GRK7: variants seen among roughly 807,000 people sequenced by gnomAD.
GRK7 encodes the protein rhodopsin kinase GRK7.
Under a neutral mutation model 34.1 loss-of-function variants are expected in GRK7, and 24 were observed. The observed-to-expected ratio is 0.70, with a 90% CI of 0.51 to 0.99. The LOEUF is 0.99. GRK7 is among the 50% of genes least tolerant of loss of function. The pLI is 0.00. For missense variants in GRK7, 644 were observed against 707.3 expected, an observed-to-expected ratio of 0.91 and a Z score of 1.02; for synonymous variants, 256 against 279.4, an observed-to-expected ratio of 0.92 and a Z score of 0.84.
At chr3:141,775,847 C>G (rs561897084) in intron 2 of GRK7, among the ~76,000 whole-genome samples, 1 of 151,594 alleles carries the variant, frequency 6.6e-6, no homozygotes, top group East Asian at 1.9e-4. Flanking sequence ...ACATATGTGG[C>G]TTCATATTTT....
intron 4 of GRK7, among the ~76,000 whole-genome samples, chr3:141,802,813 G>A (rs1710984163): frequency 6.6e-6 from 1 of 152,070 alleles, no homozygotes; most frequent in African/African-American, 2.4e-5. Context: ...GGAAGGACTG[G>A]GCAGCTGCAT....
intron 4 of GRK7, among the ~76,000 whole-genome samples, 153 bp from the exon 5 acceptor site, chr3:141,807,492 G>A (rs1382683662): frequency 6.6e-6 from 1 of 152,168 alleles, no homozygotes; most frequent in African/African-American, 2.4e-5. Flanking sequence ...ACAAAGAATA[G>A]GTTAGACACA....
intron 4 of GRK7, among the ~76,000 whole-genome samples, chr3:141,796,293 C>T (rs962525239): frequency 1.3e-5 from 2 of 152,194 alleles, no homozygotes; most frequent in Non-Finnish European, 2.9e-5. Flanking sequence ...CATGATCTTA[C>T]ACAAGTCAGA....
chr3:141,761,584 A>G (rs1384811692), upstream of GRK7, among the ~76,000 whole-genome samples: 6 of 59,718 alleles, frequency 1.0e-4, no homozygotes, highest in Non-Finnish European at 1.5e-4. Flanking sequence ...GAATCTGACA[A>G]TTATGTGTCT....
chr3:141,754,166 A>C, the GRK7 span, among the ~76,000 whole-genome samples: 1 of 152,190 alleles, frequency 6.6e-6, no homozygotes. Context: ...TAAGGGTGTC[A>C]CTGTCCTGCA....
intron 4 of GRK7, among the ~76,000 whole-genome samples, 170 bp downstream of exon 4, chr3:141,780,981 G>T (rs1559841423): frequency 1.3e-5 from 2 of 152,190 alleles, no homozygotes; most frequent in Non-Finnish European, 2.9e-5. Flanking sequence ...AAGAGGATTA[G>T]ATTCATTGGC....
chr3:141,752,108 A>G, the GRK7 span, among the ~76,000 whole-genome samples: 3,177 of 152,226 alleles, frequency 0.021, 107 homozygotes, highest in African/African-American at 0.072. Flanking sequence ...GGACCTGGAG[A>G]AAAAAAATAC....
chr3:141,817,328 G>A lies in GRK7; in HGVS notation c.*278G>A, dbSNP rs1711165358. 1 of 336,278 alleles carries A rather than the reference G, an allele frequency of 3.0e-6. No individual in the cohort carries two copies. 20.8% of individuals were successfully genotyped at this position (336,278 alleles called of 1,614,324 possible). A position where few individuals can be genotyped will look rare whatever the true frequency, so the allele number is the denominator to read the frequency against. ...GAAAGCATCAGCCTTTTACCATCATGTCCCTGTGTATTACGCAAAGTCCTA... is the reference window on the plus strand; with the variant it reads ...GAAAGCATCAGCCTTTTACCATCATATCCCTGTGTATTACGCAAAGTCCTA... On this transcript the variant is annotated 3_prime_UTR_variant, in exon 6 of 6. Coordinates refer to ENST00000682958, the MANE Select transcript of GRK7 (RefSeq NM_139209.3).
At chr3:141,762,071 G>A (rs1402281867), upstream of GRK7, among the ~76,000 whole-genome samples, 106 of 148,826 alleles carry the variant, frequency 7.1e-4, no homozygotes, top group African/African-American at 2.2e-3. Context: ...ATGTCCTCCC[G>A]TAGCTCAGAG....
chr3:141,756,500 C>T, the GRK7 span, among the ~76,000 whole-genome samples: 2 of 152,170 alleles, frequency 1.3e-5, no homozygotes, highest in Non-Finnish European at 2.9e-5. Flanking sequence ...GAATGATTGT[C>T]TCTCAGCGAG....
At chr3:141,794,552 C>T (rs998944921) in intron 4 of GRK7, among the ~76,000 whole-genome samples, 1 of 152,230 alleles carries the variant, frequency 6.6e-6, no homozygotes, top group Non-Finnish European at 1.5e-5. Context: ...ATGTTAAGGA[C>T]TTTGGGTGAT....
At chr3:141,750,016 CA>C in the GRK7 span, among the ~76,000 whole-genome samples, 208 of 124,550 alleles carry the variant, frequency 1.7e-3, no homozygotes, top group Admixed American at 1.7e-3. Context: ...GACTCCGTCT[CA>C]AAAAAAAAAA....
the GRK7 span, among the ~76,000 whole-genome samples, chr3:141,757,149 T>C: frequency 7.4e-5 from 9 of 122,138 alleles, no homozygotes; most frequent in Admixed American, 1.5e-4. Flanking sequence ...TTTTTTTTCT[T>C]TTTTTTTTTT....
At chr3:141,756,548 A>C in the GRK7 span, among the ~76,000 whole-genome samples, 1 of 152,204 alleles carries the variant, frequency 6.6e-6, no homozygotes, top group Non-Finnish European at 1.5e-5. Flanking sequence ...AACTTTCAGC[A>C]GTGAGGGAAA....
At chr3:141,814,006 G>C (rs1350255560) in intron 5 of GRK7, among the ~76,000 whole-genome samples, 1 of 152,170 alleles carries the variant, frequency 6.6e-6, no homozygotes, top group African/African-American at 2.4e-5. Flanking sequence ...ATTGGGTGTT[G>C]CCTTAGTCGT....
rs892889836 is a variant in GRK7 at position 141,780,374 on chromosome 3, G to T, written c.613G>T (p.Val205Leu). 3.7e-6 allele frequency: 6 copies of T among 1,613,086 alleles called. No homozygotes were observed. Among genetic ancestry groups the T allele is most frequent in the Admixed American group, 1.7e-5 (1 of 59,910 alleles). Residue 205 changes from valine (V) to leucine (L), a missense_variant and splice_region_variant, in exon 4 of 6, where the codon GTA becomes TTA. By Grantham distance (32) the Val-to-Leu change is conservative (BLOSUM62 1). Transcript: ENST00000682958. ...TCTCTTCTTTTCTTTCTCCTTTAAG[G>T]TATGTGCCGTCCAGGTGAAAAACAC... ...RVLGKGGFGE[V>L]CAVQVKNTGK... is the part of the protein sequence containing the mutation.
At chr3:141,816,630 A>G in intron 5 of GRK7, 84 bp from the exon 6 acceptor site, 1 of 702,944 alleles carries the variant, frequency 1.4e-6, no homozygotes, top group East Asian at 2.6e-5. Context: ...TAAGAAAAGA[A>G]TGCTACACAC....
chr3:141,758,507 G>T (rs2107866827), upstream of GRK7, among the ~76,000 whole-genome samples: 1 of 18,852 alleles, frequency 5.3e-5, no homozygotes, highest in Admixed American at 5.1e-4. Flanking sequence ...CTGTTCCATT[G>T]ATCTATATCT....
the GRK7 span, among the ~76,000 whole-genome samples, chr3:141,754,584 G>A: frequency 1.3e-5 from 2 of 152,144 alleles, no homozygotes; most frequent in Admixed American, 1.3e-4. Flanking sequence ...GGGATTACAG[G>A]TGCATGCCTC....
Sources: gnomAD v4.1 joint callset for allele counts (sites outside exome capture counted in the v4.1 genomes callset) on GRCh38, gnomAD v4.1.1 for gene constraint, MANE v1.5 for transcripts, NCBI Gene and HGNC (gene_info 2026-07-23, HGNC 2026-07-21) for gene names.